Variants in SLC26A7 observed in about 807,000 individuals in gnomAD.
The protein encoded by SLC26A7 is anion exchange transporter.
Under a neutral mutation model 82.5 loss-of-function variants are expected in SLC26A7, and 59 were observed. That is an observed-to-expected ratio of 0.72 (90% CI 0.58 to 0.89). The LOEUF is 0.89. Among genes scored for constraint, SLC26A7 ranks in the 40% least tolerant of loss-of-function variants. The pLI, the probability that SLC26A7 is intolerant of heterozygous loss-of-function variation, is 0.00. For missense variants in SLC26A7, 820 were observed against 793.0 expected (o/e 1.03, Z -0.41); for synonymous variants, 271 against 274.3 (o/e 0.99, Z 0.12).
intron 2 of SLC26A7, among the ~76,000 whole-genome samples, chr8:91,272,543 T>C (rs1283160955): frequency 1.3e-5 from 2 of 152,182 alleles, no homozygotes; most frequent in Non-Finnish European, 2.9e-5. Context: ...ATTACGTTTT[T>C]ACCTGATCTT....
At chr8:91,359,737 C>T (rs1813994273) in intron 11 of SLC26A7, among the ~76,000 whole-genome samples, 1 of 152,032 alleles carries the variant, frequency 6.6e-6, no homozygotes, top group Non-Finnish European at 1.5e-5. Flanking sequence ...GATTATTGGA[C>T]TATTGGGCAC....
rs562708766 is a variant in SLC26A7, at chr8:91,352,963, A to C, written c.1281A>C (p.Leu427Phe). 1.2e-5 allele frequency: 19 copies of C among 1,607,860 alleles called. No individual in the cohort carries two copies. The South Asian group carries it at 1.9e-4, about 16-fold the overall frequency. The change falls in exon 11 of 19, where the codon TTA (leucine) becomes TTC (phenylalanine). Residue 427 changes from leucine (L) to phenylalanine (F), a missense_variant. Leu to Phe is a conservative substitution (Grantham distance 22). Transcript: ENST00000276609. The stretch of plus-strand genomic sequence containing the variant: ...GAATGCTAATACAGTTCCGAGATTT[A>C]AAAAAATATTGGAATGTGGATAAAA... ...LKGMLIQFRDLKKYWNVDKID... is the reference protein window; with the variant it reads ...LKGMLIQFRDFKKYWNVDKID...
chr8:91,351,948 T>A (rs13271566), intron 10 of SLC26A7, 61 bp downstream of exon 10: 18 of 1,273,122 alleles, frequency 1.4e-5, no homozygotes, highest in Non-Finnish European at 1.9e-5. Context: ...AATCATTGCA[T>A]ATAAAATTTC....
chr8:91,232,863 G>A (rs1037678602), intron 2 of SLC26A7, among the ~76,000 whole-genome samples: 18 of 152,186 alleles, frequency 1.2e-4, no homozygotes, highest in African/African-American at 3.6e-4. Context: ...GAATACAGAT[G>A]ATTGAATGAG....
intron 2 of SLC26A7, among the ~76,000 whole-genome samples, chr8:91,287,357 A>G (rs1188159645): frequency 6.6e-6 from 1 of 152,210 alleles, no homozygotes; most frequent in Non-Finnish European, 1.5e-5. Context: ...AATAAGGCAG[A>G]CAGATAAGCA....
intron 2 of SLC26A7, among the ~76,000 whole-genome samples, chr8:91,267,694 T>C (rs1811152106): frequency 6.6e-6 from 1 of 151,850 alleles, no homozygotes; most frequent in South Asian, 2.1e-4. Flanking sequence ...TGTCTATCTT[T>C]AAGAAATACC....
chr8:91,217,603 C>T (rs924697889), intron 1 of SLC26A7, among the ~76,000 whole-genome samples: 3 of 152,102 alleles, frequency 2.0e-5, no homozygotes, highest in African/African-American at 7.2e-5. Flanking sequence ...GCCGCAGTTA[C>T]ATGGTCATAT....
intron 2 of SLC26A7, among the ~76,000 whole-genome samples, chr8:91,243,698 T>G (rs753582085): frequency 1.4e-4 from 22 of 152,230 alleles, no homozygotes; most frequent in African/African-American, 5.3e-4. Flanking sequence ...ATAGTTTCCA[T>G]GTTTTCATCA....
Position 91,218,848 on chromosome 8 carries a change from T to C in SLC26A7, c.-149-42T>C, listed in dbSNP as rs116882579. 662 of 1,264,674 alleles carry C rather than the reference T, an allele frequency of 5.2e-4. 8 individuals are homozygous for C. Among genetic ancestry groups the C allele is most frequent in the South Asian group, 4.4e-3 (319 of 73,188 alleles). 78.3% of individuals were successfully genotyped at this position (1,264,674 alleles called of 1,614,324 possible). A position where few individuals can be genotyped will look rare whatever the true frequency, so the allele number is the denominator to read the frequency against. ...TATTTATTTTAATGAAAAATACTTA[T>C]TGAACACTGCCTAAATTTTATTTTT... On this transcript the variant is annotated intron_variant, in intron 1 of 5. Coordinates refer to the SLC26A7 transcript ENST00000522862.
chr8:91,257,868 GA>G (rs1440814019), intron 2 of SLC26A7, among the ~76,000 whole-genome samples: 1 of 152,068 alleles, frequency 6.6e-6, no homozygotes, highest in Admixed American at 6.6e-5. Context: ...AATTTATTTA[GA>G]AAAGAGGTTT....
chr8:91,250,397 A>C (rs1028678298), intron 2 of SLC26A7, among the ~76,000 whole-genome samples: 5 of 152,264 alleles, frequency 3.3e-5, no homozygotes, highest in Non-Finnish European at 5.9e-5. Flanking sequence ...TCTGTATCAC[A>C]TTACCTACTA....
chr8:91,322,476 C>T (rs1812818909), intron 5 of SLC26A7, among the ~76,000 whole-genome samples: 1 of 151,972 alleles, frequency 6.6e-6, no homozygotes, highest in Non-Finnish European at 1.5e-5. Context: ...TAAGTTGGTT[C>T]CTCACACAGA....
intron 2 of SLC26A7, among the ~76,000 whole-genome samples, chr8:91,238,140 A>T (rs574729930): frequency 6.6e-6 from 1 of 152,320 alleles, no homozygotes; most frequent in East Asian, 1.9e-4. Context: ...ATCTAATAAC[A>T]TTATAAACAA....
At chr8:91,379,397 C>A (rs1814608115) in intron 15 of SLC26A7, among the ~76,000 whole-genome samples, 1 of 151,974 alleles carries the variant, frequency 6.6e-6, no homozygotes, top group Non-Finnish European at 1.5e-5. Flanking sequence ...AAGGGTATGT[C>A]CTCTTAGCAT....
rs1184012525 is a variant in SLC26A7 at position 91,299,881 on chromosome 8, A to C, written c.477+4178A>C. ...ATTGTTCTATGCTATGCTTTCTTCT[A>C]AAAAGTGCGTAAGTTAAAATTAAAG... On this transcript the variant is annotated intron_variant, in intron 4 of 18. Transcript: ENST00000276609. 1.1e-4 allele frequency among the ~76,000 whole-genome samples: 17 copies of C among 152,360 alleles called. No homozygotes were observed. The East Asian group carries it at 3.3e-3, about 29-fold the overall frequency.
intron 8 of SLC26A7, among the ~76,000 whole-genome samples, chr8:91,340,988 CTT>C (rs11294496): frequency 1.0e-3 from 148 of 146,806 alleles, no homozygotes; most frequent in Middle Eastern, 7.1e-3. Context: ...TGTCCTGTTT[CTT>C]TTTTTTTTTT....
chr8:91,319,912 G>C (rs1812743147), intron 5 of SLC26A7, among the ~76,000 whole-genome samples: 1 of 152,160 alleles, frequency 6.6e-6, no homozygotes, highest in East Asian at 1.9e-4. Context: ...TGGTCTTTCA[G>C]CTTGTTTCTC....
intron 5 of SLC26A7, among the ~76,000 whole-genome samples, chr8:91,323,431 T>G (rs891763139): frequency 1.3e-5 from 2 of 152,152 alleles, no homozygotes; most frequent in Non-Finnish European, 2.9e-5. Context: ...GAAAAATGCA[T>G]CAACACAAAA....
intron 4 of SLC26A7, among the ~76,000 whole-genome samples, chr8:91,315,222 C>T (rs1812594821): frequency 6.6e-6 from 1 of 152,182 alleles, no homozygotes; most frequent in Non-Finnish European, 1.5e-5. Flanking sequence ...GGTTTTGCCA[C>T]TTCAAAGATT....
Sources: allele counts gnomAD v4.1 joint callset (sites outside exome capture counted in the v4.1 genomes callset), GRCh38; gene constraint gnomAD v4.1.1; transcripts MANE v1.5; gene names NCBI Gene and HGNC (gene_info 2026-07-23, HGNC 2026-07-21).